The following NUDT9 variants were observed in gnomAD, a reference collection of about 807,000 sequenced individuals.
The protein encoded by NUDT9 is nudix hydrolase 9, also known as ADP-ribose pyrophosphatase.
NUDT9 carries 31 observed loss-of-function variants against 41.0 expected under a neutral mutation model. The observed-to-expected ratio is 0.76, with a 90% CI of 0.57 to 1.02. The LOEUF (loss-of-function observed/expected upper bound fraction) is 1.02, where lower values mean the gene tolerates loss of function less well. Among genes scored for constraint, NUDT9 ranks in the 50% least tolerant of loss-of-function variants. NUDT9 has a pLI of 0.00. For missense variants in NUDT9, 380 were observed against 431.4 expected (o/e 0.88, Z 1.06); for synonymous variants, 146 against 147.6 (o/e 0.99, Z 0.08).
At chr4:87,450,848 T>C (rs1272806087) in intron 5 of NUDT9, among the ~76,000 whole-genome samples, 1 of 152,214 alleles carries the variant, frequency 6.6e-6, no homozygotes, top group Non-Finnish European at 1.5e-5. Flanking sequence ...AATCAGTGTA[T>C]TTTTAGTATC....
intron 3 of NUDT9, among the ~76,000 whole-genome samples, chr4:87,439,185 C>G (rs1460820437): frequency 6.7e-6 from 1 of 149,674 alleles, no homozygotes; most frequent in African/African-American, 2.5e-5. Context: ...AATAGACATA[C>G]CCAAGACTGG....
At chr4:87,434,029 C>A (rs777015927) in intron 1 of NUDT9, among the ~76,000 whole-genome samples, 1 of 152,022 alleles carries the variant, frequency 6.6e-6, no homozygotes, top group African/African-American at 2.4e-5. Flanking sequence ...TATTCCTTTA[C>A]GTAGACTTTA....
intron 1 of NUDT9, among the ~76,000 whole-genome samples, chr4:87,431,521 A>AT (rs1257821492): frequency 6.6e-6 from 1 of 152,026 alleles, no homozygotes; most frequent in Non-Finnish European, 1.5e-5. Flanking sequence ...ACATCTTAAT[A>AT]TTTTTTTCCA....
intron 2 of NUDT9, 105 bp downstream of exon 2, chr4:87,435,325 C>A: frequency 1.6e-6 from 2 of 1,282,488 alleles, no homozygotes; most frequent in Non-Finnish European, 2.1e-6. Flanking sequence ...TCAATCTATG[C>A]TTAGCTGTGT....
At chr4:87,450,545 A>G (rs966799494) in intron 5 of NUDT9, among the ~76,000 whole-genome samples, 5 of 151,276 alleles carry the variant, frequency 3.3e-5, no homozygotes, top group African/African-American at 1.2e-4. Context: ...CACCTAGCTA[A>G]TTTTTGTATT....
intron 1 of NUDT9, among the ~76,000 whole-genome samples, chr4:87,427,138 T>TAA (rs34532341): frequency 5.8e-5 from 8 of 138,318 alleles, no homozygotes; most frequent in Admixed American, 7.2e-5. Context: ...AAAAAAAAGT[T>TAA]AAAAAAAAAA....
intron 7 of NUDT9, among the ~76,000 whole-genome samples, chr4:87,457,528 C>T (rs1275527657): frequency 6.6e-6 from 1 of 152,104 alleles, no homozygotes; most frequent in East Asian, 1.9e-4. Context: ...TCTCATCCCT[C>T]TTGGACTGAT....
intron 4 of NUDT9, among the ~76,000 whole-genome samples, chr4:87,446,863 T>C (rs1722485484): frequency 6.6e-6 from 1 of 152,230 alleles, no homozygotes; most frequent in South Asian, 2.1e-4. Flanking sequence ...AAATCCATAC[T>C]GTCTTCTGTC....
intron 4 of NUDT9, among the ~76,000 whole-genome samples, chr4:87,442,799 C>G (rs780273743): frequency 2.0e-5 from 3 of 152,170 alleles, no homozygotes; most frequent in Non-Finnish European, 4.4e-5. Flanking sequence ...TGTTTTCCAC[C>G]TCCACATCTT....
chr4:87,449,482 G>A (rs926319648), intron 5 of NUDT9, among the ~76,000 whole-genome samples: 1 of 152,138 alleles, frequency 6.6e-6, no homozygotes, highest in Admixed American at 6.6e-5. Flanking sequence ...GGGAAATAAC[G>A]TGGGCTTTGA....
At chr4:87,452,881 G>T (rs916195713) in intron 6 of NUDT9, among the ~76,000 whole-genome samples, 1 of 141,744 alleles carries the variant, frequency 7.1e-6, no homozygotes, top group African/African-American at 2.6e-5. Flanking sequence ...GCGCGATCTC[G>T]GCTCACTGCA....
rs753706496 is a variant in NUDT9, at chr4:87,422,653, G to A, written c.-253G>A. On this transcript the variant is annotated 5_prime_UTR_variant, in exon 1 of 8. Coordinates refer to ENST00000302174, the MANE Select transcript of NUDT9 (RefSeq NM_024047.5). ...GCGGTTTCCCCAGGCAGCTGGCGCT[G>A]GAGGCTTCGGCGTCACGTGCTGGTC... The A allele has an allele frequency of 1.4e-5, 5 of 366,360 alleles. No homozygotes were observed. The highest frequency in any genetic ancestry group is 2.4e-5 in the Non-Finnish European group (5 of 205,536). 22.7% of individuals were successfully genotyped at this position (366,360 alleles called of 1,614,324 possible).
intron 3 of NUDT9, among the ~76,000 whole-genome samples, chr4:87,440,629 T>A (rs1722163399): frequency 6.6e-6 from 1 of 152,108 alleles, no homozygotes; most frequent in South Asian, 2.1e-4. Flanking sequence ...GGGTGGATCG[T>A]GAGGTCAGGA....
chr4:87,450,448 C>T (rs1013387386), intron 5 of NUDT9, among the ~76,000 whole-genome samples: 3 of 140,684 alleles, frequency 2.1e-5, no homozygotes, highest in Non-Finnish European at 4.5e-5. Flanking sequence ...GGCATGATCT[C>T]AGCTTACTGC....
In NUDT9 at chr4:87,458,674, TA is replaced by T. The variant is rs918358250; in HGVS notation, c.*660del. The T allele has an allele frequency of 6.6e-5, 10 of 152,076 alleles. No homozygotes were observed. Among genetic ancestry groups the T allele is most frequent in the African/African-American group, 2.4e-4 (10 of 41,414 alleles). 9.4% of individuals were successfully genotyped at this position (152,076 alleles called of 1,614,324 possible). A position where few individuals can be genotyped will look rare whatever the true frequency, so the allele number is the denominator to read the frequency against. On this transcript the variant is annotated 3_prime_UTR_variant, in exon 8 of 8. Coordinates refer to ENST00000302174, the MANE Select transcript of NUDT9 (RefSeq NM_024047.5). The stretch of plus-strand genomic sequence containing the variant: ...ACTCTCATTTTCAAAAATTCTGAAT[TA>T]AAAAAAGTCCAGGAAGTTAGTAATT...
chr4:87,453,537 C>A (rs1327283300), intron 6 of NUDT9, among the ~76,000 whole-genome samples: 1 of 151,334 alleles, frequency 6.6e-6, no homozygotes, highest in African/African-American at 2.4e-5. Context: ...TCATGCGATT[C>A]TCCTGCCTCA....
intron 1 of NUDT9, 47 bp from the exon 2 acceptor site, chr4:87,434,934 A>C: frequency 6.5e-7 from 1 of 1,538,020 alleles, no homozygotes. Context: ...TCTTTAATTA[A>C]TATATTTTTG....
rs146006597 is a variant in NUDT9 at position 87,447,935 on chromosome 4, G to A, written c.531-1207G>A. 9.6e-3 allele frequency among the ~76,000 whole-genome samples: 1,453 copies of A among 151,586 alleles called. 19 individuals are homozygous for A. The highest frequency in any genetic ancestry group is 0.029 in the African/African-American group (1,215 of 41,348). On this transcript the variant is annotated intron_variant, in intron 4 of 7. Coordinates refer to ENST00000302174, the MANE Select transcript of NUDT9 (RefSeq NM_024047.5). ...TAGTCCTAGCTACACAGGAGGCTGA[G>A]ACAGGAGGATTGCTTGAGCCCAGGA...
At chr4:87,441,109 G>A (rs539214323) in intron 3 of NUDT9, among the ~76,000 whole-genome samples, 1 of 152,186 alleles carries the variant, frequency 6.6e-6, no homozygotes, top group African/African-American at 2.4e-5. Context: ...CTTTCATATA[G>A]TGGGAGGGCA....
Sources: gnomAD v4.1 joint callset for allele counts (sites outside exome capture counted in the v4.1 genomes callset) on GRCh38, gnomAD v4.1.1 for gene constraint, MANE v1.5 for transcripts, NCBI Gene and HGNC (gene_info 2026-07-23, HGNC 2026-07-21) for gene names.